The following ASAP2 variants were observed in gnomAD, a reference collection of about 807,000 sequenced individuals.
The protein encoded by ASAP2 is ArfGAP with SH3 domain, ankyrin repeat and PH domain 2.
Under a neutral mutation model 131.4 loss-of-function variants are expected in ASAP2, and 45 were observed. The observed-to-expected ratio is 0.34, with a 90% CI of 0.27 to 0.44. ASAP2 has a LOEUF of 0.44. ASAP2 is among the 20% of genes least tolerant of loss of function. The probability of loss-of-function intolerance (pLI) is 1.00; values close to 1 mark genes in which losing one functional copy is unlikely to be tolerated. For synonymous variants in ASAP2, 510 were observed against 503.0 expected (o/e 1.01, Z -0.19); for missense variants, 1,011 against 1,297.0 (o/e 0.78, Z 3.39).
chr2:9,334,816 G>A lies in ASAP2; in HGVS notation c.762+3G>A, dbSNP rs754562524. On this transcript the variant is annotated splice_donor_region_variant and intron_variant, in intron 8 of 27. Transcript: ENST00000281419. Reference sequence around the variant, plus strand: ...CGCTGTCTACGGATCTTCACACGGTGAGTAGCTTCCCTCCCACTGTGGTTT... The same window carrying A: ...CGCTGTCTACGGATCTTCACACGGTAAGTAGCTTCCCTCCCACTGTGGTTT... 1 of 1,612,660 alleles carries A rather than the reference G, an allele frequency of 6.2e-7. No homozygotes were observed. Among genetic ancestry groups the A allele is most frequent in the Non-Finnish European group, 8.5e-7 (1 of 1,178,872 alleles).
At chr2:9,222,583 C>T (rs1286056354) in intron 1 of ASAP2, among the ~76,000 whole-genome samples, 1 of 152,192 alleles carries the variant, frequency 6.6e-6, no homozygotes, top group Non-Finnish European at 1.5e-5. Context: ...TTCTTCTCAC[C>T]TTGTAAATTC....
chr2:9,210,588 T>A (rs1305799964), intron 1 of ASAP2, among the ~76,000 whole-genome samples: 1 of 151,628 alleles, frequency 6.6e-6, no homozygotes, highest in Non-Finnish European at 1.5e-5. Context: ...GGAGTCTCGC[T>A]CTGTCGCCCA....
At chr2:9,271,689 G>A (rs541991640) in intron 1 of ASAP2, 6 of 536,790 alleles carry the variant, frequency 1.1e-5, no homozygotes, top group South Asian at 8.6e-5. Context: ...CAGAGGGTAC[G>A]GAAAGTAGGG....
chr2:9,257,958 A>G (rs572905242), intron 1 of ASAP2, among the ~76,000 whole-genome samples: 6 of 152,306 alleles, frequency 3.9e-5, no homozygotes, highest in East Asian at 3.9e-4. Flanking sequence ...TGTGTTACCA[A>G]CTGCCCAGGT....
intron 9 of ASAP2, among the ~76,000 whole-genome samples, chr2:9,342,689 C>T (rs1287951341): frequency 6.6e-6 from 1 of 152,212 alleles, no homozygotes; most frequent in East Asian, 1.9e-4. Flanking sequence ...TTTTGTGCTT[C>T]AGAATCTTTT....
At chr2:9,252,306 C>T (rs1312080644) in intron 1 of ASAP2, among the ~76,000 whole-genome samples, 2 of 152,184 alleles carry the variant, frequency 1.3e-5, no homozygotes, top group Non-Finnish European at 1.5e-5. Context: ...TGGGGCTGTG[C>T]GCAGTGGCTC....
rs10177932 is a variant in ASAP2 at position 9,326,872 on chromosome 2, C to T, written c.601-954C>T. Reference sequence around the variant, plus strand: ...ATAGCAGTGTATCTTCTTTTCTGTTCATCTTTGTAAACTTTTGTGGTTATC... The same window carrying T: ...ATAGCAGTGTATCTTCTTTTCTGTTTATCTTTGTAAACTTTTGTGGTTATC... On this transcript the variant is annotated intron_variant, in intron 6 of 27. Transcript: ENST00000281419. Among the ~76,000 whole-genome samples, 467 of 152,272 alleles carry T rather than the reference C, an allele frequency of 3.1e-3. 4 individuals carry two copies. The highest frequency in any genetic ancestry group is 1.0e-2 in the African/African-American group (414 of 41,564).
At chr2:9,376,797 G>T in intron 17 of ASAP2, 111 bp from the exon 18 acceptor site, 1 of 983,696 alleles carries the variant, frequency 1.0e-6, no homozygotes, top group Admixed American at 2.1e-5. Context: ...TAAGTTTCTC[G>T]AAGGGAAAGA....
intron 1 of ASAP2, among the ~76,000 whole-genome samples, chr2:9,262,332 G>A (rs913494724): frequency 1.3e-5 from 2 of 151,966 alleles, no homozygotes; most frequent in Non-Finnish European, 2.9e-5. Flanking sequence ...TCTTCTTAAC[G>A]GCCACTTTAA....
rs1677100400 is a variant in ASAP2 at position 9,405,088 on chromosome 2, C to A, written c.*1761C>A. The A allele has an allele frequency of 6.6e-6, 1 of 152,412 alleles. No individual in the cohort carries two copies. The highest frequency in any genetic ancestry group is 2.4e-5 in the African/African-American group (1 of 41,416). 9.4% of individuals were successfully genotyped at this position (152,412 alleles called of 1,614,324 possible). A position where few individuals can be genotyped will look rare whatever the true frequency, so the allele number is the denominator to read the frequency against. On this transcript the variant is annotated 3_prime_UTR_variant, in exon 28 of 28. Coordinates refer to ENST00000281419, the MANE Select transcript of ASAP2 (RefSeq NM_003887.3). ...AGCTATATAAGGAATAAAGTTGATTCATATCAACATTAGAACTCCAGTCCC... is the reference window on the plus strand; with the variant it reads ...AGCTATATAAGGAATAAAGTTGATTAATATCAACATTAGAACTCCAGTCCC...
chr2:9,211,363 G>T (rs1442179304), intron 1 of ASAP2, among the ~76,000 whole-genome samples: 2 of 152,070 alleles, frequency 1.3e-5, no homozygotes, highest in Non-Finnish European at 2.9e-5. Flanking sequence ...AATTTGAAAA[G>T]TAAGGGTTTT....
chr2:9,374,953 G>A lies in ASAP2; in HGVS notation c.1746+9G>A. The A allele has an allele frequency of 6.4e-7, 1 of 1,564,208 alleles. No individual in the cohort carries two copies. The highest frequency in any genetic ancestry group is 8.6e-7 in the Non-Finnish European group (1 of 1,160,146). Reference sequence around the variant, plus strand: ...CACTGGCCAACGGACATGTAAGAGTGTGGGTTGTTGCTACTTTAAAAAAAA... The same window carrying A: ...CACTGGCCAACGGACATGTAAGAGTATGGGTTGTTGCTACTTTAAAAAAAA... On this transcript the variant is annotated intron_variant, in intron 17 of 27. Transcript: ENST00000281419.
chr2:9,326,463 G>A (rs1208732619), intron 6 of ASAP2, among the ~76,000 whole-genome samples: 4 of 127,132 alleles, frequency 3.1e-5, no homozygotes, highest in African/African-American at 1.4e-4. Flanking sequence ...TTCTGTGAGC[G>A]GAGAAGGCGT....
At position 9,376,295 on chromosome 2, in the gene ASAP2, C is replaced by T. The variant is rs143959533; in HGVS notation, c.1747-613C>T. Among the ~76,000 whole-genome samples the T allele has an allele frequency of 1.2e-4, 19 of 152,346 alleles. No homozygotes were observed. In the East Asian group the frequency reaches 3.7e-3, roughly 29 times the overall value. On this transcript the variant is annotated intron_variant, in intron 17 of 27. Coordinates refer to ENST00000281419, the MANE Select transcript of ASAP2 (RefSeq NM_003887.3). ...ACCTTCCTTTGCCCTCACCTCCTGT[C>T]TTCTGTATCTGTCCTTCTCCTCTGG... is the stretch of plus-strand genomic sequence containing the variant.
At chr2:9,393,704 C>T (rs1675901963) in intron 24 of ASAP2, 57 bp downstream of exon 24, 2 of 1,487,710 alleles carry the variant, frequency 1.3e-6, no homozygotes. Flanking sequence ...ACCTCACCTG[C>T]CCAGGGCTCT....
chr2:9,345,408 A>G (rs1233676721), intron 11 of ASAP2, among the ~76,000 whole-genome samples: 4 of 152,190 alleles, frequency 2.6e-5, no homozygotes, highest in Non-Finnish European at 5.9e-5. Context: ...GCCGGTCAGG[A>G]TAAAGTTCCT....
chr2:9,213,333 C>T (rs1036567068), intron 1 of ASAP2, among the ~76,000 whole-genome samples: 15 of 151,620 alleles, frequency 9.9e-5, no homozygotes, highest in African/African-American at 7.3e-5. Flanking sequence ...GAGGAGTGGG[C>T]GAGGAAGAGA....
intron 15 of ASAP2, among the ~76,000 whole-genome samples, chr2:9,360,782 C>T (rs1375244611): frequency 1.2e-4 from 19 of 152,136 alleles, no homozygotes; most frequent in Admixed American, 1.2e-3. Context: ...TGAGTATATA[C>T]TTGTTATTAA....
chr2:9,235,869 G>A (rs896613089), intron 1 of ASAP2, among the ~76,000 whole-genome samples: 2 of 152,160 alleles, frequency 1.3e-5, no homozygotes, highest in African/African-American at 2.4e-5. Flanking sequence ...AAGGGCAGTG[G>A]GCTTAGGCAG....
Sources: gnomAD v4.1 joint callset for allele counts (sites outside exome capture counted in the v4.1 genomes callset) on GRCh38, gnomAD v4.1.1 for gene constraint, MANE v1.5 for transcripts, NCBI Gene and HGNC (gene_info 2026-07-23, HGNC 2026-07-21) for gene names.